Variants in CRACR2A observed in about 807,000 individuals in gnomAD.
CRACR2A encodes the protein calcium release activated channel regulator 2A, also known as EF-hand calcium-binding domain-containing protein 4B.
CRACR2A carries 79 observed loss-of-function variants against 90.5 expected under a neutral mutation model. That is an observed-to-expected ratio of 0.87 (90% CI 0.73 to 1.05). The LOEUF is 1.05. Ranked by LOEUF, CRACR2A falls within the 50% of genes least tolerant of loss-of-function variation. The pLI is 0.00. For missense variants in CRACR2A, 823 were observed against 897.2 expected, an observed-to-expected ratio of 0.92 and a Z score of 1.06; for synonymous variants, 338 against 356.7, an observed-to-expected ratio of 0.95 and a Z score of 0.59.
intron 1 of CRACR2A, among the ~76,000 whole-genome samples, chr12:3,743,025 T>TG (rs1946552071): frequency 6.6e-6 from 1 of 152,242 alleles, no homozygotes. Context: ...TGTTTTTTGT[T>TG]TTATTGGCAC....
chr12:3,723,839 C>T (rs530110147), intron 2 of CRACR2A, among the ~76,000 whole-genome samples: 4 of 152,270 alleles, frequency 2.6e-5, no homozygotes, highest in South Asian at 2.1e-4. Context: ...TCTCTCTCAA[C>T]ATTAAATCAG....
rs536930267 is a variant in CRACR2A, at chr12:3,746,483, G to A, written c.-387+6532C>T. 1.3e-5 allele frequency among the ~76,000 whole-genome samples: 2 copies of A among 152,106 alleles called. No individual in the cohort carries two copies. The highest frequency in any genetic ancestry group is 4.8e-5 in the African/African-American group (2 of 41,506). On this transcript the variant is annotated intron_variant, in intron 1 of 19. Coordinates refer to ENST00000440314, the MANE Select transcript of CRACR2A (RefSeq NM_001144958.2). The surrounding 1 kb of genome is among the most constrained non-coding windows in gnomAD (Gnocchi z 4.4). ...CATGTGAGGACACAAAAAGAAAGTGGCTTTCTGCAAGCCAAGGAGAGAACC... is the reference window on the plus strand; with the variant it reads ...CATGTGAGGACACAAAAAGAAAGTGACTTTCTGCAAGCCAAGGAGAGAACC...
In CRACR2A at chr12:3,725,304, C is replaced by T. The variant is rs573262613; in HGVS notation, c.-118+7638G>A. 4.4e-3 allele frequency among the ~76,000 whole-genome samples: 675 copies of T among 152,294 alleles called. 9 individuals carry two copies. The highest frequency in any genetic ancestry group is 0.016 in the African/African-American group (646 of 41,570). ...CAGAAGTCCTAAATCAAGGTGACTG[C>T]GGCGCTGTGTCCCCTCTAAAGGCTC... On this transcript the variant is annotated intron_variant, in intron 2 of 19. Coordinates refer to ENST00000440314, the MANE Select transcript of CRACR2A (RefSeq NM_001144958.2).
intron 3 of CRACR2A, among the ~76,000 whole-genome samples, chr12:3,705,121 G>A (rs2137742008): frequency 6.6e-6 from 1 of 152,282 alleles, no homozygotes; most frequent in South Asian, 2.1e-4. Context: ...CATCCATAAA[G>A]GAGGAAATGG....
intron 7 of CRACR2A, among the ~76,000 whole-genome samples, chr12:3,671,173 A>G (rs1945235800): frequency 6.6e-6 from 1 of 152,144 alleles, no homozygotes; most frequent in Admixed American, 6.5e-5. Flanking sequence ...CCAGCAGAGG[A>G]GGTCCTGCAG....
rs544454582 is a variant in CRACR2A at position 3,638,188 on chromosome 12, G to T, written c.1538C>A (p.Pro513Gln). Residue 513 changes from proline to glutamine, a missense_variant, in exon 14 of 20, where the codon CCA becomes CAA. Pro to Gln is a moderately conservative substitution (Grantham distance 76). Transcript: ENST00000440314. ...QGVQGQIPEAPPLKLTPTSPR... is the reference protein window; with the variant it reads ...QGVQGQIPEAQPLKLTPTSPR... ...GGATGTGGGGGTGAGTTTCAAGGGTGGGGCCTCCGGGATTTGTCCCTGTAC... is the reference window on the plus strand; with the variant it reads ...GGATGTGGGGGTGAGTTTCAAGGGTTGGGCCTCCGGGATTTGTCCCTGTAC... The T allele has an allele frequency of 6.4e-7, 1 of 1,551,256 alleles. No homozygotes were observed. The highest frequency in any genetic ancestry group is 8.7e-7 in the Non-Finnish European group (1 of 1,146,646).
At chr12:3,648,449 C>T in intron 11 of CRACR2A, 93 bp downstream of exon 11, 1 of 1,601,536 alleles carries the variant, frequency 6.2e-7, no homozygotes, top group Non-Finnish European at 8.5e-7. Flanking sequence ...CACGTTTTTC[C>T]AGCACGTAGG....
Position 3,627,511 on chromosome 12 carries a change from A to AGT in CRACR2A, c.1856_1857insAC (p.Asp619GlufsTer23). The stretch of plus-strand genomic sequence containing the variant: ...TGAGATCGTACATGACGATGACACC[A>AGT]TCTGCCTTTCTGAAGAACTGCTGGG... On this transcript the variant is annotated frameshift_variant, in exon 17 of 20. Coordinates refer to ENST00000440314, the MANE Select transcript of CRACR2A (RefSeq NM_001144958.2). LOFTEE classifies it high-confidence loss of function. 1 of 1,551,780 alleles carries AGT rather than the reference A, an allele frequency of 6.4e-7. No homozygotes were observed.
chr12:3,734,273 G>A (rs73033651), intron 1 of CRACR2A, among the ~76,000 whole-genome samples: 8,598 of 151,854 alleles, frequency 0.057, 365 homozygotes, highest in East Asian at 0.13. Context: ...CACCCCACCC[G>A]GCCTGTATTT....
At position 3,633,419 on chromosome 12, in the gene CRACR2A, AG is replaced by A. The variant is rs1256509807; in HGVS notation, c.1735+184del. On this transcript the variant is annotated intron_variant, in intron 15 of 19. Coordinates refer to ENST00000440314, the MANE Select transcript of CRACR2A (RefSeq NM_001144958.2). The surrounding 1 kb of genome is among the most constrained non-coding windows in gnomAD (Gnocchi z 4.5). ...GATGAGCTTAGCAGCTAGCAGCGTGAGGGGAGGTGGCTTCATCTTGCCCCTC... is the reference window on the plus strand; with the variant it reads ...GATGAGCTTAGCAGCTAGCAGCGTGAGGGAGGTGGCTTCATCTTGCCCCTC... 1.3e-5 allele frequency among the ~76,000 whole-genome samples: 2 copies of A among 152,096 alleles called. No homozygotes were observed. Among genetic ancestry groups the A allele is most frequent in the South Asian group, 4.1e-4 (2 of 4,828 alleles).
intron 15 of CRACR2A, among the ~76,000 whole-genome samples, chr12:3,631,900 C>T (rs1944382288): frequency 6.6e-6 from 1 of 152,102 alleles, no homozygotes; most frequent in African/African-American, 2.4e-5. Context: ...GTCACACAGC[C>T]AAAGGTTGAA....
At chr12:3,741,092 C>G (rs1422955609) in intron 1 of CRACR2A, among the ~76,000 whole-genome samples, 1 of 152,232 alleles carries the variant, frequency 6.6e-6, no homozygotes, top group African/African-American at 2.4e-5. Flanking sequence ...GCAGGACACA[C>G]CCAGAATGAC....
intron 2 of CRACR2A, among the ~76,000 whole-genome samples, chr12:3,713,797 G>T (rs904712837): frequency 1.3e-5 from 2 of 152,218 alleles, no homozygotes; most frequent in Non-Finnish European, 2.9e-5. Context: ...AGAAAGCCTA[G>T]GGGCTACATA....
chr12:3,624,118 C>T (rs536037109), intron 17 of CRACR2A, among the ~76,000 whole-genome samples: 3 of 152,296 alleles, frequency 2.0e-5, no homozygotes, highest in African/African-American at 7.2e-5. Flanking sequence ...CATCTGTTCC[C>T]ACCCCACACA....
At position 3,724,848 on chromosome 12, in the gene CRACR2A, G is replaced by A. The variant is rs576632660; in HGVS notation, c.-118+8094C>T. On this transcript the variant is annotated intron_variant, in intron 2 of 19. Coordinates refer to ENST00000440314, the MANE Select transcript of CRACR2A (RefSeq NM_001144958.2). ...AGACATCCGACCTCACCCTTCACTG[G>A]TTCCCACTGCTATGGAATGGAGTGT... Among the ~76,000 whole-genome samples, 43 of 152,296 alleles carry A rather than the reference G, an allele frequency of 2.8e-4. No individual in the cohort carries two copies. In the South Asian group the frequency reaches 8.9e-3, roughly 32 times the overall value.
chr12:3,655,000 C>T (rs916896838), intron 9 of CRACR2A, among the ~76,000 whole-genome samples: 2 of 152,186 alleles, frequency 1.3e-5, no homozygotes, highest in Admixed American at 6.5e-5. Context: ...CAACTAAAAA[C>T]CCTGCATTTT....
At chr12:3,726,578 A>G (rs1475410496) in intron 2 of CRACR2A, 1 of 152,162 alleles carries the variant, frequency 6.6e-6, no homozygotes, top group African/African-American at 2.4e-5. Context: ...GCCGTATATG[A>G]TAACAGGAAG....
At chr12:3,620,211 G>A (rs924515981) in intron 17 of CRACR2A, among the ~76,000 whole-genome samples, 8 of 152,374 alleles carry the variant, frequency 5.3e-5, no homozygotes, top group Non-Finnish European at 1.0e-4. Context: ...CGGGACCACC[G>A]ACTGCCATTC....
intron 4 of CRACR2A, 83 bp from the exon 5 acceptor site, chr12:3,680,432 G>A: frequency 8.2e-7 from 1 of 1,226,638 alleles, no homozygotes; most frequent in Non-Finnish European, 1.2e-6. Context: ...CCTTCTGCCA[G>A]AAAGTGTCTA....
Sources: gnomAD v4.1 joint callset for allele counts (sites outside exome capture counted in the v4.1 genomes callset) on GRCh38, gnomAD v4.1.1 for gene constraint, Gnocchi (gnomAD v3.1) non-coding constraint, MANE v1.5 for transcripts, NCBI Gene and HGNC (gene_info 2026-07-23, HGNC 2026-07-21) for gene names.